TMEM178B: variants seen among roughly 807,000 people sequenced by gnomAD.
TMEM178B encodes transmembrane protein 178B.
In TMEM178B, 5 loss-of-function variants were observed where a neutral mutation model predicts 31.0. The ratio of observed to expected loss-of-function variants is 0.16; its 90% CI spans 0.08 to 0.34. The LOEUF (loss-of-function observed/expected upper bound fraction) is 0.34, where lower values mean the gene tolerates loss of function less well. Among genes scored for constraint, TMEM178B ranks in the 10% least tolerant of loss-of-function variants. The pLI is 1.00. For synonymous variants in TMEM178B, 164 were observed against 164.0 expected, an observed-to-expected ratio of 1.00 and a Z score of 0.00; for missense variants, 275 against 400.3, an observed-to-expected ratio of 0.69 and a Z score of 2.67.
intron 1 of TMEM178B, among the ~76,000 whole-genome samples, chr7:141,112,428 A>AT (rs1353140168): frequency 6.6e-6 from 1 of 151,870 alleles, no homozygotes; most frequent in Non-Finnish European, 1.5e-5. Flanking sequence ...TAATTTTTGT[A>AT]TTTTTTGCAG....
chr7:141,105,281 G>A (rs1249467046), intron 1 of TMEM178B, among the ~76,000 whole-genome samples: 1 of 152,184 alleles, frequency 6.6e-6, no homozygotes, highest in African/African-American at 2.4e-5. Context: ...GCCGAGGTGG[G>A]CGGATCACTT....
intron 1 of TMEM178B, among the ~76,000 whole-genome samples, chr7:141,113,382 C>T (rs1331521400): frequency 6.6e-6 from 1 of 152,174 alleles, no homozygotes; most frequent in Non-Finnish European, 1.5e-5. Context: ...AGCTTGCACA[C>T]CATCAGACTT....
chr7:141,074,400 C>T lies in TMEM178B; in HGVS notation c.90C>T (p.His30=), dbSNP rs1259414195. The change falls in exon 1 of 4, where the codon CAC becomes CAT. Residue 30 remains histidine (H), a synonymous_variant. Coordinates refer to ENST00000565468, the MANE Select transcript of TMEM178B (RefSeq NM_001195278.2). The surrounding 1 kb of genome is among the most constrained non-coding windows in gnomAD (Gnocchi z 5.1). ...GMLAVAICSD[H]WYETDARKHR... Reference sequence around the variant, plus strand: ...TGGCCGTGGCCATCTGCTCGGACCACTGGTACGAGACGGACGCCAGGAAGC... The same window carrying T: ...TGGCCGTGGCCATCTGCTCGGACCATTGGTACGAGACGGACGCCAGGAAGC... The T allele has an allele frequency of 6.5e-7, 1 of 1,536,164 alleles. No individual in the cohort carries two copies.
chr7:141,078,927 C>T (rs1794640955), intron 1 of TMEM178B, among the ~76,000 whole-genome samples: 1 of 152,176 alleles, frequency 6.6e-6, no homozygotes, highest in Admixed American at 6.5e-5. Flanking sequence ...AAATCCCCTA[C>T]AGCTATGCTG....
At chr7:141,298,325 G>A (rs898312878) in intron 2 of TMEM178B, among the ~76,000 whole-genome samples, 9 of 152,096 alleles carry the variant, frequency 5.9e-5, no homozygotes, top group Non-Finnish European at 1.3e-4. Flanking sequence ...CACTCTGATG[G>A]TAGTTTCTTT....
intron 2 of TMEM178B, among the ~76,000 whole-genome samples, chr7:141,218,086 C>T (rs1797190529): frequency 6.6e-6 from 1 of 151,988 alleles, no homozygotes; most frequent in South Asian, 2.1e-4. Context: ...ACCCCCAACC[C>T]CGCAGACACA....
intron 1 of TMEM178B, among the ~76,000 whole-genome samples, chr7:141,092,922 A>G (rs1318424676): frequency 6.6e-6 from 1 of 152,164 alleles, no homozygotes; most frequent in Non-Finnish European, 1.5e-5. Context: ...GGGAATAACA[A>G]GGGCAGTGAC....
At chr7:141,367,235 G>A (rs1800025489) in intron 2 of TMEM178B, among the ~76,000 whole-genome samples, 1 of 151,832 alleles carries the variant, frequency 6.6e-6, no homozygotes, top group Non-Finnish European at 1.5e-5. Flanking sequence ...ATAACAGGGT[G>A]GGAAGGTACT....
intron 1 of TMEM178B, among the ~76,000 whole-genome samples, chr7:141,195,025 G>A (rs527359475): frequency 6.6e-6 from 1 of 152,300 alleles, no homozygotes; most frequent in South Asian, 2.1e-4. Flanking sequence ...CACACAGCAC[G>A]GGGACCCTGG....
At chr7:141,198,866 C>T (rs1387230385) in intron 1 of TMEM178B, among the ~76,000 whole-genome samples, 3 of 152,226 alleles carry the variant, frequency 2.0e-5, no homozygotes, top group Admixed American at 6.5e-5. Context: ...TGTGGGGCCG[C>T]AGGCAGGGTG....
At chr7:141,257,438 T>A (rs74412434) in intron 2 of TMEM178B, among the ~76,000 whole-genome samples, 1,790 of 152,354 alleles carry the variant, frequency 0.012, 17 homozygotes, top group Non-Finnish European at 0.018. Context: ...AATACTCAAA[T>A]TCAAGTTATG....
chr7:141,333,586 A>T (rs554846439), intron 2 of TMEM178B, among the ~76,000 whole-genome samples: 1 of 152,298 alleles, frequency 6.6e-6, no homozygotes, highest in African/African-American at 2.4e-5. Context: ...CCTCCTGACC[A>T]TTGTGGCAGT....
intron 2 of TMEM178B, among the ~76,000 whole-genome samples, chr7:141,297,296 C>T (rs1479345217): frequency 6.6e-6 from 1 of 152,170 alleles, no homozygotes; most frequent in Non-Finnish European, 1.5e-5. Context: ...GGAGCCCAAG[C>T]AGTGTTGTGG....
At chr7:141,278,222 G>A (rs888891574) in intron 2 of TMEM178B, among the ~76,000 whole-genome samples, 2 of 152,182 alleles carry the variant, frequency 1.3e-5, no homozygotes, top group African/African-American at 2.4e-5. Flanking sequence ...AAAGAGGGCC[G>A]AGGGGCCTTG....
At chr7:141,123,272 G>A (rs1795438195) in intron 1 of TMEM178B, among the ~76,000 whole-genome samples, 1 of 152,234 alleles carries the variant, frequency 6.6e-6, no homozygotes, top group Non-Finnish European at 1.5e-5. Flanking sequence ...TGTTCAGGTG[G>A]CCTGGGAGTC....
chr7:141,445,793 A>C (rs1354762935), intron 3 of TMEM178B, among the ~76,000 whole-genome samples: 1 of 152,206 alleles, frequency 6.6e-6, no homozygotes, highest in Non-Finnish European at 1.5e-5. Context: ...ATGGTGAATC[A>C]AGGGCAACTC....
chr7:141,332,386 T>A (rs1799313700), intron 2 of TMEM178B, among the ~76,000 whole-genome samples: 1 of 152,238 alleles, frequency 6.6e-6, no homozygotes, highest in Admixed American at 6.5e-5. Flanking sequence ...ATAGATGTAC[T>A]GATACACCTA....
intron 1 of TMEM178B, among the ~76,000 whole-genome samples, chr7:141,117,381 T>G (rs920090788): frequency 2.0e-5 from 3 of 152,220 alleles, no homozygotes. Context: ...TAAATCTATT[T>G]AAGTTCTTTG....
In TMEM178B at chr7:141,210,394, C is replaced by T. The variant is rs184978681; in HGVS notation, c.383-2197C>T. Among the ~76,000 whole-genome samples, 49 of 152,144 alleles carry T rather than the reference C, an allele frequency of 3.2e-4. No homozygotes were observed. In the East Asian group the frequency reaches 7.9e-3, roughly 25 times the overall value. On this transcript the variant is annotated intron_variant, in intron 1 of 3. Coordinates refer to ENST00000565468, the MANE Select transcript of TMEM178B (RefSeq NM_001195278.2). The stretch of plus-strand genomic sequence containing the variant: ...AGGAGAATTGCTTGAACCCGGGAGG[C>T]GGAGGTTGTGGTGAGCCGAGATCGC...
Sources: gnomAD v4.1 joint callset for allele counts (sites outside exome capture counted in the v4.1 genomes callset) on GRCh38, gnomAD v4.1.1 for gene constraint, Gnocchi (gnomAD v3.1) non-coding constraint, MANE v1.5 for transcripts, NCBI Gene and HGNC (gene_info 2026-07-23, HGNC 2026-07-21) for gene names.